AGTPBP1: variants seen among roughly 807,000 people sequenced by gnomAD.
The protein encoded by AGTPBP1 is cytosolic carboxypeptidase 1.
In AGTPBP1, 70 loss-of-function variants were observed where a neutral mutation model predicts 143.9. The ratio of observed to expected loss-of-function variants is 0.49; its 90% confidence interval spans 0.40 to 0.59. AGTPBP1 has a LOEUF of 0.59. Among genes scored for constraint, AGTPBP1 ranks in the 20% least tolerant of loss-of-function variants. The pLI, the probability that AGTPBP1 is intolerant of heterozygous loss-of-function variation, is 0.00. For missense variants in AGTPBP1, 1,229 were observed against 1,464.5 expected, an observed-to-expected ratio of 0.84 and a Z score of 2.62; for synonymous variants, 463 against 500.2, an observed-to-expected ratio of 0.93 and a Z score of 0.99.
chr9:85,638,280 C>T (rs904800971), intron 13 of AGTPBP1, among the ~76,000 whole-genome samples: 1 of 151,690 alleles, frequency 6.6e-6, no homozygotes, highest in African/African-American at 2.4e-5. Context: ...AGAATTTTTG[C>T]GTATTTGTCA....
rs1267732293 is a variant in AGTPBP1 at position 85,692,850 on chromosome 9, T to C, written c.33-37A>G. ...GTAGAATGTTAGGGCACATTCTAAA[T>C]CAATGGTGTAAATTCAATACTATAA... On this transcript the variant is annotated intron_variant, in intron 2 of 25. Transcript: ENST00000357081. 2.5e-6 allele frequency: 4 copies of C among 1,601,442 alleles called. No individual in the cohort carries two copies. The South Asian group carries it at 3.4e-5, about 13-fold the overall frequency.
chr9:85,758,625 C>A, the AGTPBP1 span, among the ~76,000 whole-genome samples: 1 of 151,994 alleles, frequency 6.6e-6, no homozygotes, highest in Non-Finnish European at 1.5e-5. Flanking sequence ...GTCTGGGCGA[C>A]AAGAGCAAAA....
intron 9 of AGTPBP1, among the ~76,000 whole-genome samples, chr9:85,659,252 A>G (rs1267957951): frequency 6.6e-6 from 1 of 152,154 alleles, no homozygotes; most frequent in Non-Finnish European, 1.5e-5. Context: ...CCAAACTCAC[A>G]ATTAGCCTAT....
At chr9:85,794,942 C>T in the AGTPBP1 span, among the ~76,000 whole-genome samples, 101 of 152,194 alleles carry the variant, frequency 6.6e-4, no homozygotes, top group East Asian at 0.011. Context: ...GCTAGTGTCA[C>T]GAAATACAAC....
intron 12 of AGTPBP1, among the ~76,000 whole-genome samples, chr9:85,643,640 C>T (rs778437341): frequency 6.6e-6 from 1 of 152,062 alleles, no homozygotes; most frequent in Non-Finnish European, 1.5e-5. Context: ...GAACAAGAGC[C>T]AGAAATGATT....
chr9:85,763,750 G>A, the AGTPBP1 span, among the ~76,000 whole-genome samples: 2 of 152,022 alleles, frequency 1.3e-5, no homozygotes. Flanking sequence ...AACACCAGAA[G>A]AACCAACTGA....
the AGTPBP1 span, among the ~76,000 whole-genome samples, chr9:85,776,774 A>AAC: frequency 6.6e-6 from 1 of 152,142 alleles, no homozygotes; most frequent in Non-Finnish European, 1.5e-5. Context: ...CTTCCTCTGA[A>AAC]ACAAAGACCT....
At chr9:85,764,247 C>T in the AGTPBP1 span, among the ~76,000 whole-genome samples, 16 of 151,806 alleles carry the variant, frequency 1.1e-4, no homozygotes, top group Non-Finnish European at 2.9e-5. Context: ...ATGAACACCC[C>T]GGTCGGGTGG....
intron 14 of AGTPBP1, among the ~76,000 whole-genome samples, chr9:85,625,585 A>T (rs1831219141): frequency 6.6e-6 from 1 of 152,068 alleles, no homozygotes; most frequent in Non-Finnish European, 1.5e-5. Flanking sequence ...AAACGTTTTT[A>T]AAAATACAGT....
In AGTPBP1 at chr9:85,700,605, C is replaced by G. The variant is rs547461423; in HGVS notation, c.33-7792G>C. Among the ~76,000 whole-genome samples the G allele has an allele frequency of 1.3e-4, 20 of 152,302 alleles. No homozygotes were observed. In the East Asian group the frequency reaches 3.9e-3, roughly 29 times the overall value. On this transcript the variant is annotated intron_variant, in intron 2 of 25. Transcript: ENST00000357081. Reference sequence around the variant, plus strand: ...CTAGGCATAGCCATGTATCCAAGTCCTGGCAAGTGAGATGTAGGCAGATGA... The same window carrying G: ...CTAGGCATAGCCATGTATCCAAGTCGTGGCAAGTGAGATGTAGGCAGATGA...
At chr9:85,717,493 C>A (rs1351837470) in intron 1 of AGTPBP1, among the ~76,000 whole-genome samples, 2 of 152,096 alleles carry the variant, frequency 1.3e-5, no homozygotes, top group East Asian at 1.9e-4. Context: ...CAGAGCAAGA[C>A]GCTGTCTCAA....
chr9:85,639,398 C>CACAT (rs1832317794), intron 13 of AGTPBP1, among the ~76,000 whole-genome samples: 1 of 150,298 alleles, frequency 6.7e-6, no homozygotes, highest in African/African-American at 2.5e-5. Flanking sequence ...CACACACACA[C>CACAT]ATATGAAAAG....
chr9:85,608,936 GGGA>G (rs1260286423), intron 17 of AGTPBP1, among the ~76,000 whole-genome samples: 1 of 152,036 alleles, frequency 6.6e-6, no homozygotes, highest in Non-Finnish European at 1.5e-5. Context: ...ATAGACAACA[GGGA>G]GATTATTACA....
chr9:85,643,015 T>TATTACAG (rs1832592601), intron 12 of AGTPBP1, 72 bp from the exon 13 acceptor site: 9 of 964,912 alleles, frequency 9.3e-6, no homozygotes, highest in Non-Finnish European at 1.4e-5. Flanking sequence ...ATTTTAGATT[T>TATTACAG]AAAATGTTCC....
At chr9:85,751,989 G>C in the AGTPBP1 span, among the ~76,000 whole-genome samples, 1 of 150,978 alleles carries the variant, frequency 6.6e-6, no homozygotes, top group African/African-American at 2.4e-5. Context: ...AGCACCTTGG[G>C]AGGCTGAGGC....
rs537643614 is a variant in AGTPBP1, at chr9:85,642,756, T to C, written c.1302+71A>G. On this transcript the variant is annotated intron_variant, in intron 13 of 25. Coordinates refer to ENST00000357081, the MANE Select transcript of AGTPBP1 (RefSeq NM_001330701.2). ...ATGGAAAGAAAATAAAAACAGTGAT[T>C]ATCGACCTAAGGGAAAAAAAATAAC... 5.1e-6 allele frequency: 6 copies of C among 1,183,278 alleles called. No individual in the cohort carries two copies. In the South Asian group the frequency reaches 6.7e-5, roughly 13 times the overall value. 73.3% of individuals were successfully genotyped at this position (1,183,278 alleles called of 1,614,324 possible).
chr9:85,662,657 C>G (rs1023686487), intron 8 of AGTPBP1, among the ~76,000 whole-genome samples: 5 of 152,130 alleles, frequency 3.3e-5, no homozygotes, highest in African/African-American at 7.2e-5. Context: ...TATGTGTTTT[C>G]TAGTTTCCTT....
At position 85,678,818 on chromosome 9, in the gene AGTPBP1, G is replaced by A. The variant is rs539547265; in HGVS notation, c.226-420C>T. On this transcript the variant is annotated intron_variant, in intron 4 of 25. Transcript: ENST00000357081. ...ATATGCACACATAAAAGAAATCCATGTAAATATACATGTGCATACAGGTTT... is the reference window on the plus strand; with the variant it reads ...ATATGCACACATAAAAGAAATCCATATAAATATACATGTGCATACAGGTTT... 3.9e-5 allele frequency among the ~76,000 whole-genome samples: 6 copies of A among 152,290 alleles called. No homozygotes were observed. The South Asian group carries it at 1.2e-3, about 32-fold the overall frequency.
the AGTPBP1 span, among the ~76,000 whole-genome samples, chr9:85,758,452 C>A: frequency 6.6e-6 from 1 of 152,120 alleles, no homozygotes. Flanking sequence ...CGAAACCAGC[C>A]TGACCAACAT....
Sources: allele counts gnomAD v4.1 joint callset (sites outside exome capture counted in the v4.1 genomes callset), GRCh38; gene constraint gnomAD v4.1.1; transcripts MANE v1.5; gene names NCBI Gene and HGNC (gene_info 2026-07-23, HGNC 2026-07-21).